The following ADARB2 variants were observed in gnomAD, a reference collection of about 807,000 sequenced individuals.
ADARB2 encodes the protein inactive double-stranded RNA-specific editase B2.
ADARB2 carries 25 observed loss-of-function variants against 62.2 expected under a neutral mutation model. The ratio of observed to expected loss-of-function variants is 0.40; its 90% CI spans 0.29 to 0.56. The LOEUF (loss-of-function observed/expected upper bound fraction) is 0.56, where lower values mean the gene tolerates loss of function less well. Ranked by LOEUF, ADARB2 falls within the 20% of genes least tolerant of loss-of-function variation. ADARB2 has a pLI of 0.43. For synonymous variants in ADARB2, 572 were observed against 500.8 expected (o/e 1.14, Z -1.90); for missense variants, 1,071 against 1,077.4 (o/e 0.99, Z 0.08).
At chr10:1,187,744 C>T in intron 8 of ADARB2, 1 of 299,460 alleles carries the variant, frequency 3.3e-6, no homozygotes, top group South Asian at 2.6e-5. Flanking sequence ...ACGTGCACTG[C>T]TCCACACTCC....
intron 1 of ADARB2, chr10:1,534,958 C>T (rs1196322178): frequency 6.0e-6 from 1 of 167,462 alleles, no homozygotes; most frequent in Non-Finnish European, 1.5e-5. Flanking sequence ...CTGCGCTGCT[C>T]ACCGGGTGAG....
At chr10:1,721,672 G>A (rs1356048493) in intron 1 of ADARB2, among the ~76,000 whole-genome samples, 1 of 152,214 alleles carries the variant, frequency 6.6e-6, no homozygotes, top group Admixed American at 6.5e-5. Flanking sequence ...CAAATGTACA[G>A]AGGGCCTTGT....
At chr10:1,344,415 G>C (rs1832059589) in intron 3 of ADARB2, among the ~76,000 whole-genome samples, 3 of 152,202 alleles carry the variant, frequency 2.0e-5, no homozygotes, top group Non-Finnish European at 4.4e-5. Flanking sequence ...ATTTTTCCTG[G>C]TGTTGTTTGG....
At chr10:1,347,105 G>T (rs948226646) in intron 3 of ADARB2, among the ~76,000 whole-genome samples, 7 of 152,212 alleles carry the variant, frequency 4.6e-5, no homozygotes, top group African/African-American at 1.7e-4. Context: ...GCCCAGAGGG[G>T]CCCAGGACTG....
At chr10:1,297,369 G>GT (rs907611906) in intron 3 of ADARB2, among the ~76,000 whole-genome samples, 1 of 152,192 alleles carries the variant, frequency 6.6e-6, no homozygotes, top group Admixed American at 6.5e-5. Context: ...CCAAACTCAA[G>GT]TTTTTACACA....
intron 1 of ADARB2, among the ~76,000 whole-genome samples, chr10:1,464,573 T>C (rs370094295): frequency 2.0e-4 from 6 of 29,966 alleles, no homozygotes; most frequent in East Asian, 1.1e-3. Context: ...CAGCGGGCAG[T>C]GCACTGGAGA....
chr10:1,640,735 C>T (rs1004900416), intron 1 of ADARB2, among the ~76,000 whole-genome samples: 1 of 152,102 alleles, frequency 6.6e-6, no homozygotes, highest in African/African-American at 2.4e-5. Flanking sequence ...TTCTGAAACA[C>T]TATTAAACTA....
intron 1 of ADARB2, among the ~76,000 whole-genome samples, chr10:1,521,727 A>G (rs1416053455): frequency 6.6e-6 from 1 of 152,194 alleles, no homozygotes; most frequent in Non-Finnish European, 1.5e-5. Context: ...CCAATTGTCA[A>G]ACAGAAAATG....
intron 1 of ADARB2, among the ~76,000 whole-genome samples, chr10:1,649,071 C>G (rs1329546617): frequency 6.6e-6 from 1 of 152,192 alleles, no homozygotes. Context: ...CGGTGAAGCT[C>G]AGAGAGGCTG....
rs982366734 is a variant in ADARB2, at chr10:1,558,063, C to T, written c.101-178903G>A. Among the ~76,000 whole-genome samples the T allele has an allele frequency of 2.8e-4, 43 of 152,280 alleles. 1 individual carries two copies. The highest frequency in any genetic ancestry group is 9.4e-4 in the African/African-American group (39 of 41,546). The stretch of plus-strand genomic sequence containing the variant: ...GCATCACCCCAGGCCCAGCAGTGAG[C>T]GTGGCTTCCATGCTTTTCATGGAGC... On this transcript the variant is annotated intron_variant, in intron 1 of 9. Coordinates refer to ENST00000381312, the MANE Select transcript of ADARB2 (RefSeq NM_018702.4).
intron 3 of ADARB2, among the ~76,000 whole-genome samples, chr10:1,346,270 G>T (rs1056258576): frequency 2.0e-5 from 3 of 152,202 alleles, no homozygotes; most frequent in Non-Finnish European, 1.5e-5. Flanking sequence ...ATGGGTGAGA[G>T]AGTGGCCAGA....
chr10:1,685,709 G>C (rs1166474785), intron 1 of ADARB2, among the ~76,000 whole-genome samples: 1 of 152,240 alleles, frequency 6.6e-6, no homozygotes, highest in Non-Finnish European at 1.5e-5. Context: ...GAGGGACTCA[G>C]ATGTTTCTCA....
intron 1 of ADARB2, among the ~76,000 whole-genome samples, chr10:1,680,744 A>G (rs1440657450): frequency 1.3e-5 from 2 of 152,238 alleles, no homozygotes; most frequent in African/African-American, 2.4e-5. Flanking sequence ...TGCTTGGGGA[A>G]AATGTCTGAT....
At chr10:1,214,205 C>T (rs1589153617) in intron 7 of ADARB2, among the ~76,000 whole-genome samples, 1 of 151,326 alleles carries the variant, frequency 6.6e-6, no homozygotes, top group Non-Finnish European at 1.5e-5. Context: ...TGGGTTTGCA[C>T]CTGTGTCCAG....
chr10:1,513,900 G>T (rs1021797456), intron 1 of ADARB2, among the ~76,000 whole-genome samples: 4 of 152,002 alleles, frequency 2.6e-5, no homozygotes, highest in African/African-American at 9.6e-5. Flanking sequence ...ACTTAAATTT[G>T]TTCTAAATGA....
intron 1 of ADARB2, among the ~76,000 whole-genome samples, chr10:1,584,303 AAAG>A (rs1833145758): frequency 6.6e-6 from 1 of 152,228 alleles, no homozygotes; most frequent in Admixed American, 6.5e-5. Context: ...ATACCACGCC[AAAG>A]AAGAGATACA....
intron 3 of ADARB2, among the ~76,000 whole-genome samples, chr10:1,326,691 T>C (rs971082068): frequency 2.8e-5 from 4 of 143,392 alleles, no homozygotes; most frequent in Admixed American, 7.0e-5. Context: ...CACAACACAG[T>C]GCCTCCTCAC....
intron 6 of ADARB2, among the ~76,000 whole-genome samples, chr10:1,233,397 C>T (rs931931325): frequency 1.3e-5 from 2 of 152,230 alleles, no homozygotes; most frequent in African/African-American, 2.4e-5. Context: ...GCCTTCCCTT[C>T]ATTCCATTTT....
At position 1,669,538 on chromosome 10, in the gene ADARB2, A is replaced by G. The variant is rs370592991; in HGVS notation, c.100+67513T>C. Among the ~76,000 whole-genome samples the G allele has an allele frequency of 3.3e-3, 504 of 152,056 alleles. 4 individuals are homozygous for G. Among genetic ancestry groups the G allele is most frequent in the African/African-American group, 0.011 (477 of 41,486 alleles). On this transcript the variant is annotated intron_variant, in intron 1 of 9. Transcript: ENST00000381312. The stretch of plus-strand genomic sequence containing the variant: ...CACAGACACACTCACAGAGAAAAAC[A>G]CAGGCACACTCAGAGAGACACACAC...
Sources: gnomAD v4.1 joint callset for allele counts (sites outside exome capture counted in the v4.1 genomes callset) on GRCh38, gnomAD v4.1.1 for gene constraint, MANE v1.5 for transcripts, NCBI Gene and HGNC (gene_info 2026-07-23, HGNC 2026-07-21) for gene names.